The following CFAP54 variants were observed in gnomAD, a reference collection of about 807,000 sequenced individuals.
CFAP54 encodes the protein cilia and flagella associated protein 54.
CFAP54 carries 290 observed loss-of-function variants against 370.4 expected under a neutral mutation model. That is an observed-to-expected ratio of 0.78 (90% CI 0.71 to 0.86). The LOEUF is 0.86. CFAP54 is among the 40% of genes least tolerant of loss of function. The probability of loss-of-function intolerance (pLI) is 0.00; values close to 1 mark genes in which losing one functional copy is unlikely to be tolerated. For synonymous variants in CFAP54, 1,206 were observed against 1,236.5 expected (o/e 0.98, Z 0.52); for missense variants, 3,399 against 3,528.7 (o/e 0.96, Z 0.93).
intron 12 of CFAP54, 23 bp downstream of exon 12, chr12:96,535,623 T>G (rs756947977): frequency 1.3e-6 from 2 of 1,483,344 alleles, no homozygotes; most frequent in African/African-American, 1.4e-5. Flanking sequence ...TTTTAAATAA[T>G]TTTTATTAGT....
intron 19 of CFAP54, among the ~76,000 whole-genome samples, chr12:96,575,944 T>C (rs1293082175): frequency 6.6e-6 from 1 of 152,140 alleles, no homozygotes; most frequent in Non-Finnish European, 1.5e-5. Context: ...CCCATTTACA[T>C]GCATTATTAT....
At chr12:96,529,764 T>C (rs977384252) in intron 9 of CFAP54, among the ~76,000 whole-genome samples, 1 of 152,206 alleles carries the variant, frequency 6.6e-6, no homozygotes, top group African/African-American at 2.4e-5. Flanking sequence ...AAATATCATT[T>C]CTTACTTGAT....
intron 8 of CFAP54, among the ~76,000 whole-genome samples, chr12:96,526,798 C>T (rs1273361317): frequency 6.6e-6 from 1 of 151,728 alleles, no homozygotes; most frequent in Non-Finnish European, 1.5e-5. Context: ...TCTCAAAAAA[C>T]CATAAAAGCA....
chr12:96,541,133 GAT>G (rs927097906), intron 14 of CFAP54, 146 bp downstream of exon 14: 23 of 474,916 alleles, frequency 4.8e-5, no homozygotes, highest in African/African-American at 4.4e-4. Flanking sequence ...TAGATAATAA[GAT>G]AGTTTCATCA....
In CFAP54 at chr12:96,658,340, A is replaced by C. The variant is rs958824451; in HGVS notation, c.5454A>C (p.Gly1818=). Residue 1818 remains glycine (G), a synonymous_variant, in exon 38 of 68, where the codon GGA becomes GGC. Coordinates refer to ENST00000524981, the MANE Select transcript of CFAP54 (RefSeq NM_001306084.2). The part of the protein sequence containing the change: ...QPCARYEAEY[G]EKITCRNFIG... ...GTGCAAGGTATGAGGCTGAATATGG[A>C]GAGAAGGTAAGTTTAAGTTAGTTCT... The C allele has an allele frequency of 3.1e-6, 5 of 1,613,924 alleles. No individual in the cohort carries two copies. The African/African-American group carries it at 6.7e-5, about 22-fold the overall frequency.
chr12:96,492,543 G>T (rs1447371385), intron 1 of CFAP54, among the ~76,000 whole-genome samples: 3 of 152,098 alleles, frequency 2.0e-5, no homozygotes, highest in Non-Finnish European at 4.4e-5. Context: ...TTTTTTAATC[G>T]ATTTGTTTTC....
chr12:96,509,480 C>G (rs763347461), intron 4 of CFAP54, among the ~76,000 whole-genome samples: 1 of 152,162 alleles, frequency 6.6e-6, no homozygotes, highest in Non-Finnish European at 1.5e-5. Context: ...TATACATACA[C>G]ACTCTTGGTT....
chr12:96,648,909 G>A (rs1469119079), intron 34 of CFAP54, among the ~76,000 whole-genome samples: 1 of 151,920 alleles, frequency 6.6e-6, no homozygotes, highest in Non-Finnish European at 1.5e-5. Flanking sequence ...TCTTGATCAG[G>A]GTGTGCTCTG....
chr12:96,584,480 A>T (rs1424277744), intron 22 of CFAP54, among the ~76,000 whole-genome samples: 1 of 151,912 alleles, frequency 6.6e-6, no homozygotes, highest in East Asian at 2.0e-4. Context: ...AACAACAATA[A>T]CAACAAAAAG....
chr12:96,658,796 G>C (rs373198981), intron 38 of CFAP54, among the ~76,000 whole-genome samples: 4 of 152,168 alleles, frequency 2.6e-5, no homozygotes, highest in African/African-American at 4.8e-5. Flanking sequence ...CTCCACTGTA[G>C]ATCTTTTTCC....
chr12:96,506,341 A>AT (rs1387645103), intron 3 of CFAP54, among the ~76,000 whole-genome samples: 1 of 151,460 alleles, frequency 6.6e-6, no homozygotes, highest in East Asian at 1.9e-4. Context: ...CCGTCTCAAA[A>AT]AAAAAAAAAA....
In CFAP54 at chr12:96,512,303, A is replaced by ATATG. The variant is rs1955179185; in HGVS notation, c.740-680_740-679insGTAT. Among the ~76,000 whole-genome samples the ATATG allele has an allele frequency of 4.9e-4, 3 of 6,128 alleles. No individual in the cohort carries two copies. The South Asian group carries it at 0.016, about 33-fold the overall frequency. 4.0% of individuals were successfully genotyped at this position (6,128 alleles called of 152,430 possible). On this transcript the variant is annotated intron_variant, in intron 4 of 67. Transcript: ENST00000524981. The stretch of plus-strand genomic sequence containing the variant: ...TAAGGAAACCATGGGAACCAATTTT[A>ATATG]TATATATATATATATATATATATAT...
At chr12:96,787,152 G>A (rs982082314) in intron 62 of CFAP54, among the ~76,000 whole-genome samples, 1 of 152,094 alleles carries the variant, frequency 6.6e-6, no homozygotes, top group African/African-American at 2.4e-5. Context: ...CTATATTCCT[G>A]CACAAAACAG....
In CFAP54 at chr12:96,623,799, G is replaced by A; in HGVS notation, c.3804G>A (p.Lys1268=). 2 of 1,535,094 alleles carry A rather than the reference G, an allele frequency of 1.3e-6. No homozygotes were observed. The highest frequency in any genetic ancestry group is 2.4e-5 in the South Asian group (2 of 83,936). Residue 1268 remains lysine, a synonymous_variant, in exon 28 of 68, where the codon AAG becomes AAA. Transcript: ENST00000524981. ...CTAAGAAGTCTTTAAAGACTAAGAA[G>A]CCACAGCAGATACTACTGCCTGAAA... ...DSSKKSLKTK[K]PQQILLPEKI... is the part of the protein sequence containing the mutation.
intron 66 of CFAP54, among the ~76,000 whole-genome samples, chr12:96,830,842 T>A (rs989453218): frequency 1.3e-5 from 2 of 151,674 alleles, no homozygotes; most frequent in Non-Finnish European, 2.9e-5. Context: ...CATACCTGGC[T>A]AATTTTTTTT....
intron 50 of CFAP54, among the ~76,000 whole-genome samples, chr12:96,724,432 A>C (rs184040516): frequency 6.6e-6 from 1 of 152,128 alleles, no homozygotes; most frequent in Non-Finnish European, 1.5e-5. Flanking sequence ...GCCAGTGATG[A>C]TGAGCATTTT....
At chr12:96,813,500 A>G (rs1958946069) in intron 64 of CFAP54, among the ~76,000 whole-genome samples, 1 of 152,216 alleles carries the variant, frequency 6.6e-6, no homozygotes, top group Non-Finnish European at 1.5e-5. Flanking sequence ...TCCTTTTATC[A>G]TTCACTTCCT....
chr12:96,697,852 A>G (rs78292125), intron 45 of CFAP54, among the ~76,000 whole-genome samples: 2,434 of 152,310 alleles, frequency 0.016, 51 homozygotes, highest in African/African-American at 0.054. Flanking sequence ...AGAGAATAAC[A>G]TGCAAAATCC....
rs182924704 is a variant in CFAP54, at chr12:96,602,403, G to A, written c.3639+3636G>A. Among the ~76,000 whole-genome samples the A allele has an allele frequency of 9.6e-4, 146 of 152,268 alleles. 1 individual carries two copies. Among genetic ancestry groups the A allele is most frequent in the African/African-American group, 3.3e-3 (138 of 41,558 alleles). ...ATGTGGTCAATTTTAGAATAAGTGC[G>A]ATGTGGTGCCAAGAAGAATGTATAT... On this transcript the variant is annotated intron_variant, in intron 26 of 67. Transcript: ENST00000524981.
Sources: allele counts gnomAD v4.1 joint callset (sites outside exome capture counted in the v4.1 genomes callset), GRCh38; gene constraint gnomAD v4.1.1; transcripts MANE v1.5; gene names NCBI Gene and HGNC (gene_info 2026-07-23, HGNC 2026-07-21).